BCO1: variants seen among roughly 807,000 people sequenced by gnomAD.
BCO1 encodes the protein beta,beta-carotene 15,15'-dioxygenase.
In BCO1, 54 loss-of-function variants were observed where a neutral mutation model predicts 56.3. The observed-to-expected ratio is 0.96, with a 90% CI of 0.77 to 1.20. The LOEUF (loss-of-function observed/expected upper bound fraction) is 1.20. Among genes scored for constraint, BCO1 ranks in the 50% most tolerant of loss-of-function variants. The pLI is 0.00. For missense variants in BCO1, 801 were observed against 690.9 expected, an observed-to-expected ratio of 1.16 and a Z score of -1.79; for synonymous variants, 318 against 266.1, an observed-to-expected ratio of 1.20 and a Z score of -1.90.
At chr16:81,249,906 T>C in intron 2 of BCO1, among the ~76,000 whole-genome samples, 1 of 152,150 alleles carries the variant, frequency 6.6e-6, no homozygotes, top group East Asian at 1.9e-4. Context: ...GCCTGAATTG[T>C]GGTGTCTTCA....
Position 81,242,466 on chromosome 16 carries a change from G to C in BCO1, c.65-3009G>C, listed in dbSNP as rs117169821. ...TCCATCCGCCTTGGCCTCCCCTAGT[G>C]CTAGGATAACAGGCCTGAGCCACCG... On this transcript the variant is annotated intron_variant, in intron 1 of 10. Transcript: ENST00000258168. 2.4e-3 allele frequency among the ~76,000 whole-genome samples: 361 copies of C among 152,154 alleles called. 11 individuals carry two copies. The East Asian group carries it at 0.058, about 24-fold the overall frequency.
chr16:81,266,632 CCTGGGGATTGTCTAGGCAT>C (rs1340092455), intron 5 of BCO1, among the ~76,000 whole-genome samples: 2 of 152,114 alleles, frequency 1.3e-5, no homozygotes, highest in Admixed American at 6.5e-5. Flanking sequence ...GAATGCCATA[CCTGGGGATTGTCTAGGCAT>C]TTGAGTTTGC....
chr16:81,252,668 G>A (rs748078207), intron 2 of BCO1, among the ~76,000 whole-genome samples: 1 of 152,212 alleles, frequency 6.6e-6, no homozygotes, highest in Non-Finnish European at 1.5e-5. Context: ...GCTCAAAGGG[G>A]AGATCAGGGT....
intron 2 of BCO1, among the ~76,000 whole-genome samples, chr16:81,247,383 C>G (rs1308366874): frequency 6.6e-6 from 1 of 152,100 alleles, no homozygotes; most frequent in Non-Finnish European, 1.5e-5. Flanking sequence ...TCACCATTGA[C>G]CAGGCACAGT....
intron 2 of BCO1, among the ~76,000 whole-genome samples, chr16:81,248,690 G>T (rs11643115): frequency 0.38 from 57,509 of 151,764 alleles, 11,088 homozygotes; most frequent in Middle Eastern, 0.48. Context: ...AATAAATACT[G>T]TTCTGGATGA....
intron 7 of BCO1, among the ~76,000 whole-genome samples, chr16:81,279,398 G>A (rs1231878807): frequency 3.3e-5 from 5 of 152,098 alleles, no homozygotes; most frequent in Non-Finnish European, 5.9e-5. Flanking sequence ...AGCCTAACCC[G>A]TAGTCACCTC....
chr16:81,246,058 A>G (rs931390758), intron 2 of BCO1, among the ~76,000 whole-genome samples: 2 of 151,268 alleles, frequency 1.3e-5, no homozygotes, highest in Non-Finnish European at 3.0e-5. Flanking sequence ...CAAACTCCTG[A>G]CCTCAGATGA....
intron 6 of BCO1, among the ~76,000 whole-genome samples, chr16:81,268,943 T>C (rs974510904): frequency 1.3e-5 from 2 of 152,010 alleles, no homozygotes; most frequent in Non-Finnish European, 2.9e-5. Context: ...TTTTTTGTTG[T>C]TTTGTAGAGA....
intron 4 of BCO1, chr16:81,263,461 A>C (rs1477116827): frequency 6.6e-6 from 1 of 152,180 alleles, no homozygotes; most frequent in Non-Finnish European, 1.5e-5. Flanking sequence ...ACCTCATCTT[A>C]ACTTAATGAC....
intron 5 of BCO1, among the ~76,000 whole-genome samples, 200 bp from the exon 6 acceptor site, chr16:81,267,708 A>C: frequency 6.6e-6 from 1 of 152,220 alleles, no homozygotes; most frequent in Non-Finnish European, 1.5e-5. Context: ...TTCAGATTGT[A>C]TATGGGGTGG....
chr16:81,290,446 G>C lies in BCO1; in HGVS notation c.1513G>C (p.Val505Leu), dbSNP rs1487054115. ...KSFTELARAS[V>L]DVDMHMDLHG... is the part of the protein sequence containing the mutation. ...CTTTACGGAATTGGCCCGTGCCTCTGTTGATGTCGATATGCACATGGATCT... is the reference window on the plus strand; with the variant it reads ...CTTTACGGAATTGGCCCGTGCCTCTCTTGATGTCGATATGCACATGGATCT... Residue 505 changes from valine to leucine, a missense_variant, in exon 11 of 11, where the codon GTT (valine) becomes CTT (leucine). By Grantham distance (32) the Val-to-Leu change is conservative (BLOSUM62 1). Coordinates refer to ENST00000258168, the MANE Select transcript of BCO1 (RefSeq NM_017429.3). The C allele has an allele frequency of 3.1e-6, 5 of 1,614,202 alleles. No individual in the cohort carries two copies. The highest frequency in any genetic ancestry group is 1.1e-5 in the South Asian group (1 of 91,088).
chr16:81,290,215 T>C (rs1277365981), intron 10 of BCO1, 133 bp from the exon 11 acceptor site: 2 of 799,316 alleles, frequency 2.5e-6, no homozygotes, highest in Non-Finnish European at 4.2e-6. Flanking sequence ...TCTGTTACAG[T>C]GTCTCAAATT....
rs1026373180 is a variant in BCO1 at position 81,272,500 on chromosome 16, G to A, written c.1101+2084G>A. ...CTTTGAAACATCACTTTAAACATTT[G>A]CCTAATCGTTCATGGCAGGGATTCA... On this transcript the variant is annotated intron_variant, in intron 7 of 10. Coordinates refer to ENST00000258168, the MANE Select transcript of BCO1 (RefSeq NM_017429.3). 2.6e-5 allele frequency among the ~76,000 whole-genome samples: 4 copies of A among 152,248 alleles called. No homozygotes were observed. In the South Asian group the frequency reaches 8.3e-4, roughly 32 times the overall value.
chr16:81,276,454 C>CA (rs1907561554), intron 7 of BCO1, among the ~76,000 whole-genome samples: 1 of 152,218 alleles, frequency 6.6e-6, no homozygotes, highest in Non-Finnish European at 1.5e-5. Context: ...TCTGCTGTTC[C>CA]TGCCACAGGC....
chr16:81,245,855 T>C (rs1030379153), intron 2 of BCO1, among the ~76,000 whole-genome samples: 1 of 52,498 alleles, frequency 1.9e-5, no homozygotes. Context: ...CTGTCTTTTT[T>C]TTTTTTTTTT....
intron 5 of BCO1, among the ~76,000 whole-genome samples, chr16:81,266,307 G>A (rs1597362204): frequency 6.6e-6 from 1 of 152,200 alleles, no homozygotes; most frequent in South Asian, 2.1e-4. Context: ...CTTAGCCCAT[G>A]TTTGTCCAGG....
chr16:81,254,727 G>A (rs1391156577), intron 2 of BCO1, among the ~76,000 whole-genome samples: 11 of 152,092 alleles, frequency 7.2e-5, no homozygotes, highest in African/African-American at 2.4e-4. Flanking sequence ...TCAAGATAGC[G>A]GTTACCCTGG....
intron 1 of BCO1, among the ~76,000 whole-genome samples, chr16:81,245,076 G>A (rs925520313): frequency 6.6e-6 from 1 of 152,090 alleles, no homozygotes; most frequent in African/African-American, 2.4e-5. Context: ...ATTTTTAGTA[G>A]AGGTGGGATT....
In BCO1 at chr16:81,270,402, C is replaced by T. The variant is rs1345739402; in HGVS notation, c.1087C>T (p.Leu363Phe). 9.3e-6 allele frequency: 15 copies of T among 1,613,960 alleles called. No homozygotes were observed. The highest frequency in any genetic ancestry group is 1.3e-5 in the African/African-American group (1 of 74,892). ...VPTLRRFAVP[L>F]HVDKNAEVGT... ...CACCCTCAGGAGGTTTGCCGTGCCC[C>T]TCCACGTGGACAAGGTAATGGCTTC... is the stretch of plus-strand genomic sequence containing the variant. The change falls in exon 7 of 11, where the codon CTC (leucine) becomes TTC (phenylalanine). Residue 363 changes from leucine (L) to phenylalanine (F), a missense_variant. By Grantham distance (22) the Leu-to-Phe change is conservative. Coordinates refer to ENST00000258168, the MANE Select transcript of BCO1 (RefSeq NM_017429.3).
Sources: allele counts gnomAD v4.1 joint callset (sites outside exome capture counted in the v4.1 genomes callset), GRCh38; gene constraint gnomAD v4.1.1; transcripts MANE v1.5; gene names NCBI Gene and HGNC (gene_info 2026-07-23, HGNC 2026-07-21).